Variants in TTC28 observed in about 807,000 individuals in gnomAD.
TTC28 encodes the protein tetratricopeptide repeat protein 28.
TTC28 carries 61 observed loss-of-function variants against 198.0 expected under a neutral mutation model. That is an observed-to-expected ratio of 0.31 (90% CI 0.25 to 0.38). The LOEUF (loss-of-function observed/expected upper bound fraction) is 0.38. TTC28 is among the 10% of genes least tolerant of loss of function. TTC28 has a pLI of 1.00. For synonymous variants in TTC28, 1,171 were observed against 1,297.8 expected (o/e 0.90, Z 2.10); for missense variants, 2,678 against 3,164.0 (o/e 0.85, Z 3.69).
intron 2 of TTC28, among the ~76,000 whole-genome samples, chr22:28,529,422 G>T (rs554774467): frequency 2.3e-4 from 35 of 152,298 alleles, no homozygotes; most frequent in Non-Finnish European, 4.3e-4. Context: ...CTCAAACTGG[G>T]TGGAGTCCAC....
intron 5 of TTC28, among the ~76,000 whole-genome samples, chr22:28,188,582 C>T (rs1924422211): frequency 6.6e-6 from 1 of 152,174 alleles, no homozygotes; most frequent in Admixed American, 6.5e-5. Flanking sequence ...GGCCTACTGT[C>T]TGGAGATGTT....
At chr22:28,216,525 C>T (rs1182908498) in intron 5 of TTC28, among the ~76,000 whole-genome samples, 1 of 151,986 alleles carries the variant, frequency 6.6e-6, no homozygotes, top group Non-Finnish European at 1.5e-5. Context: ...ATCATCTTTG[C>T]TACACGTAAT....
intron 5 of TTC28, among the ~76,000 whole-genome samples, chr22:28,203,217 A>T: frequency 6.6e-6 from 1 of 152,156 alleles, no homozygotes. Flanking sequence ...TAGGCCCTCA[A>T]GCAAGTCACT....
chr22:28,181,959 A>C (rs531774639), intron 5 of TTC28, among the ~76,000 whole-genome samples: 1 of 152,336 alleles, frequency 6.6e-6, no homozygotes, highest in South Asian at 2.1e-4. Flanking sequence ...ATGATGACCA[A>C]GTAAAGCTTC....
chr22:28,552,126 C>T (rs758997786), intron 2 of TTC28, among the ~76,000 whole-genome samples: 8 of 152,054 alleles, frequency 5.3e-5, no homozygotes, highest in Admixed American at 1.3e-4. Context: ...ACCCCCTTCA[C>T]GATAACCACA....
chr22:28,049,089 C>T (rs576702357), intron 12 of TTC28, among the ~76,000 whole-genome samples: 31 of 152,240 alleles, frequency 2.0e-4, no homozygotes, highest in East Asian at 1.4e-3. Context: ...AGGCACGGAC[C>T]CTGTCTCAAG....
chr22:28,028,231 C>T (rs1431464591), intron 13 of TTC28, among the ~76,000 whole-genome samples: 2 of 152,216 alleles, frequency 1.3e-5, no homozygotes, highest in African/African-American at 4.8e-5. Context: ...GAGCTGGGTG[C>T]AAGCTCCGGG....
chr22:28,679,802 G>C lies in TTC28; in HGVS notation c.-79C>G. ...CGCGCGCGCCGGTTCCGCGCGCCAT[G>C]TTCCCGCCGTGCTGCGCGCCGCCGC... On this transcript the variant is annotated 5_prime_UTR_variant, in exon 1 of 23. Coordinates refer to ENST00000397906, the MANE Select transcript of TTC28 (RefSeq NM_001145418.2). 1 of 738,034 alleles carries C rather than the reference G, an allele frequency of 1.4e-6. No individual in the cohort carries two copies. The highest frequency in any genetic ancestry group is 1.8e-6 in the Non-Finnish European group (1 of 570,488). 45.7% of individuals were successfully genotyped at this position (738,034 alleles called of 1,614,324 possible). A position where few individuals can be genotyped will look rare whatever the true frequency, so the allele number is the denominator to read the frequency against.
intron 2 of TTC28, among the ~76,000 whole-genome samples, chr22:28,524,665 G>A (rs983389780): frequency 6.6e-6 from 1 of 151,972 alleles, no homozygotes; most frequent in African/African-American, 2.4e-5. Flanking sequence ...ACAAATATAT[G>A]CAAAATGTCA....
At chr22:28,164,364 C>T (rs993968046) in intron 5 of TTC28, among the ~76,000 whole-genome samples, 4 of 152,222 alleles carry the variant, frequency 2.6e-5, no homozygotes, top group African/African-American at 9.7e-5. Flanking sequence ...GGTCTCTGAA[C>T]CCCGAGTAGC....
At chr22:28,443,245 G>A (rs931758703) in intron 2 of TTC28, among the ~76,000 whole-genome samples, 14 of 152,212 alleles carry the variant, frequency 9.2e-5, no homozygotes, top group Admixed American at 6.5e-5. Context: ...CCCTCCCTCA[G>A]AGAAGAGACT....
At chr22:28,421,777 A>C (rs181245747) in intron 2 of TTC28, among the ~76,000 whole-genome samples, 8 of 151,988 alleles carry the variant, frequency 5.3e-5, no homozygotes, top group Non-Finnish European at 2.9e-5. Flanking sequence ...GAAACTAAAA[A>C]TACAAAAATT....
At chr22:28,077,390 A>C (rs752523741) in intron 12 of TTC28, among the ~76,000 whole-genome samples, 3 of 152,222 alleles carry the variant, frequency 2.0e-5, no homozygotes, top group Admixed American at 2.0e-4. Context: ...TCCTGGGCTC[A>C]AGTGATCCTC....
In TTC28 at chr22:27,983,053, A is replaced by G. The variant is rs1209590644; in HGVS notation, c.6614T>C (p.Val2205Ala). 1 of 1,551,680 alleles carries G rather than the reference A, an allele frequency of 6.4e-7. No individual in the cohort carries two copies. Among genetic ancestry groups the G allele is most frequent in the Admixed American group, 2.0e-5 (1 of 51,000 alleles). Residue 2205 changes from valine to alanine, a missense_variant, in exon 23 of 23, where the codon GTC (valine) becomes GCC (alanine). Val to Ala is a moderately conservative substitution (Grantham distance 64). This residue lies in a region of TTC28 where 622 missense variants were observed against 656.0 expected (regional missense o/e 0.95). Coordinates refer to ENST00000397906, the MANE Select transcript of TTC28 (RefSeq NM_001145418.2). ...DGVQAPSSTAVFRASETSAFS... is the reference protein window; with the variant it reads ...DGVQAPSSTAAFRASETSAFS... ...CGCACTGGTTTCTGACGCTCTGAAG[A>G]CAGCAGTGCTGCTGGGCGCCTGAAC...
intron 2 of TTC28, among the ~76,000 whole-genome samples, chr22:28,350,904 C>T (rs552510295): frequency 2.0e-5 from 3 of 152,212 alleles, no homozygotes; most frequent in Non-Finnish European, 4.4e-5. Flanking sequence ...ACTTCTCGGC[C>T]GGGCGCAGTG....
chr22:28,038,828 TAACA>T (rs1237260482), intron 12 of TTC28, among the ~76,000 whole-genome samples: 1 of 151,642 alleles, frequency 6.6e-6, no homozygotes, highest in Non-Finnish European at 1.5e-5. Context: ...TACAAGAAAA[TAACA>T]AACAACCCCA....
At chr22:28,103,086 C>T (rs1294646300) in intron 8 of TTC28, among the ~76,000 whole-genome samples, 1 of 152,190 alleles carries the variant, frequency 6.6e-6, no homozygotes, top group Non-Finnish European at 1.5e-5. Context: ...CTGCTATATC[C>T]TCAGCATGTA....
At chr22:28,084,270 C>T (rs369569741) in intron 12 of TTC28, among the ~76,000 whole-genome samples, 2 of 152,310 alleles carry the variant, frequency 1.3e-5, no homozygotes, top group South Asian at 2.1e-4. Context: ...CCAGTAGCGG[C>T]GGACTGATAC....
chr22:28,225,799 C>T (rs1387961167), intron 5 of TTC28, among the ~76,000 whole-genome samples: 1 of 152,132 alleles, frequency 6.6e-6, no homozygotes, highest in Non-Finnish European at 1.5e-5. Flanking sequence ...ACCTCCTTAC[C>T]CCTATTACCA....
Sources: allele counts gnomAD v4.1 joint callset (sites outside exome capture counted in the v4.1 genomes callset), GRCh38; gene constraint gnomAD v4.1.1; regional missense constraint gnomAD v4.1.1; transcripts MANE v1.5; gene names NCBI Gene and HGNC (gene_info 2026-07-23, HGNC 2026-07-21).